SLC26A3: variants seen among roughly 807,000 people sequenced by gnomAD.
SLC26A3 encodes the protein solute carrier family 26 member 3.
Under a neutral mutation model 85.6 loss-of-function variants are expected in SLC26A3, and 64 were observed. The observed-to-expected ratio is 0.75, with a 90% CI of 0.61 to 0.92. The LOEUF (loss-of-function observed/expected upper bound fraction) is 0.92. Among genes scored for constraint, SLC26A3 ranks in the 40% least tolerant of loss-of-function variants. SLC26A3 has a pLI of 0.00. For missense variants in SLC26A3, 922 were observed against 927.3 expected, an observed-to-expected ratio of 0.99 and a Z score of 0.07; for synonymous variants, 349 against 336.0, an observed-to-expected ratio of 1.04 and a Z score of -0.42.
chr7:107,765,544 C>T lies in SLC26A3; in HGVS notation c.*311G>A. On this transcript the variant is annotated 3_prime_UTR_variant, in exon 21 of 21. Transcript: ENST00000340010. ...ATTATGAGATTCAAAACAGTGGCGC[C>T]ACTATACTGCTAAACCTATGCATGA... 1 of 291,576 alleles carries T rather than the reference C, an allele frequency of 3.4e-6. No homozygotes were observed. Among genetic ancestry groups the T allele is most frequent in the Non-Finnish European group, 6.4e-6 (1 of 155,956 alleles). 18.1% of individuals were successfully genotyped at this position (291,576 alleles called of 1,614,324 possible).
In SLC26A3 at chr7:107,774,848, G is replaced by C. The variant is rs143677801; in HGVS notation, c.1702C>G (p.Leu568Val). The change falls in exon 16 of 21, where the codon CTA becomes GTA. Residue 568 changes from leucine (L) to valine (V), a missense_variant. By Grantham distance (32) the Leu-to-Val change is conservative. Transcript: ENST00000340010. Reference protein sequence around the residue: ...DAVGFSPLRILRKRNKALRKI... With the variant: ...DAVGFSPLRIVRKRNKALRKI... Reference sequence around the variant, plus strand: ...CTCAAAGCTTTGTTGCGCTTGCGTAGAATTCGAAGTGGACTAAAGCCAACC... The same window carrying C: ...CTCAAAGCTTTGTTGCGCTTGCGTACAATTCGAAGTGGACTAAAGCCAACC... 9.3e-6 allele frequency: 15 copies of C among 1,614,046 alleles called. No individual in the cohort carries two copies. The African/African-American group carries it at 1.9e-4, about 20-fold the overall frequency.
intron 3 of SLC26A3, among the ~76,000 whole-genome samples, chr7:107,792,413 C>A (rs945770368): frequency 6.6e-6 from 1 of 151,920 alleles, no homozygotes; most frequent in African/African-American, 2.4e-5. Context: ...ATGGTTCCCT[C>A]TGGGGGTGTT....
chr7:107,767,146 C>T (rs1793929540), intron 20 of SLC26A3, among the ~76,000 whole-genome samples: 1 of 152,116 alleles, frequency 6.6e-6, no homozygotes, highest in Non-Finnish European at 1.5e-5. Flanking sequence ...TGTTTCATTG[C>T]TTGACTGGGC....
At chr7:107,790,764 C>T (rs1286360442) in intron 5 of SLC26A3, among the ~76,000 whole-genome samples, 1 of 151,886 alleles carries the variant, frequency 6.6e-6, no homozygotes, top group Non-Finnish European at 1.5e-5. Flanking sequence ...TCTATCAATT[C>T]CCAGATATAT....
At chr7:107,767,979 T>C (rs1793944777) in intron 18 of SLC26A3, 71 bp from the exon 19 acceptor site, 2 of 1,404,468 alleles carry the variant, frequency 1.4e-6, no homozygotes, top group African/African-American at 1.4e-5. Flanking sequence ...TTGAGGCTAG[T>C]AATTTCACCT....
At chr7:107,794,667 C>A (rs759906715) in intron 1 of SLC26A3, 70 bp from the exon 2 acceptor site, 1 of 762,450 alleles carries the variant, frequency 1.3e-6, no homozygotes, top group Non-Finnish European at 2.3e-6. Context: ...GATGAGTGAG[C>A]TCCGAACTGA....
At chr7:107,767,156 CACTGTGCTAGGG>C (rs1351652107) in intron 20 of SLC26A3, among the ~76,000 whole-genome samples, 2 of 152,114 alleles carry the variant, frequency 1.3e-5, no homozygotes, top group Non-Finnish European at 2.9e-5. Flanking sequence ...CTTGACTGGG[CACTGTGCTAGGG>C]ACTTCTCAAG....
intron 3 of SLC26A3, among the ~76,000 whole-genome samples, chr7:107,792,299 C>A (rs150976680): frequency 4.3e-4 from 65 of 152,144 alleles, no homozygotes; most frequent in African/African-American, 1.5e-3. Context: ...TTTTTGTGCA[C>A]TTTATTTCTA....
chr7:107,782,519 G>A (rs1794229255), intron 11 of SLC26A3, among the ~76,000 whole-genome samples: 1 of 152,218 alleles, frequency 6.6e-6, no homozygotes, highest in African/African-American at 2.4e-5. Flanking sequence ...TGTGGTGCCA[G>A]GGTGCCCTCC....
chr7:107,783,134 C>T lies in SLC26A3; in HGVS notation c.1120-41G>A, dbSNP rs772777405. 19 of 1,612,954 alleles carry T rather than the reference C, an allele frequency of 1.2e-5. No individual in the cohort carries two copies. The Admixed American group carries it at 3.2e-4, about 27-fold the overall frequency. ...GAATGAACCTTTTTCAGAAGTGGCA[C>T]CATTGATATTATGTGTGCAAAATAT... is the stretch of plus-strand genomic sequence containing the variant. On this transcript the variant is annotated intron_variant, in intron 9 of 20. Transcript: ENST00000340010.
In SLC26A3 at chr7:107,791,133, T is replaced by G; in HGVS notation, c.485A>C (p.Asn162Thr). Residue 162 changes from asparagine (N) to threonine (T), a missense_variant, in exon 5 of 21, where the codon AAC becomes ACC. Physicochemically the swap from Asn to Thr is moderately conservative, Grantham distance 65 (BLOSUM62 0). Coordinates refer to ENST00000340010, the MANE Select transcript of SLC26A3 (RefSeq NM_000111.3). ...RNATTLGLPN[N>T]SNNSSLLDDE... ...ATCCAGTAGTGAAGAATTATTCGAGTTGTTAGGCAATCCCAAAGTAGTTGC... is the reference window on the plus strand; with the variant it reads ...ATCCAGTAGTGAAGAATTATTCGAGGTGTTAGGCAATCCCAAAGTAGTTGC... The G allele has an allele frequency of 6.2e-7, 1 of 1,614,092 alleles. No homozygotes were observed. The highest frequency in any genetic ancestry group is 8.5e-7 in the Non-Finnish European group (1 of 1,180,024).
chr7:107,792,648 GC>G (rs1794423039), intron 3 of SLC26A3, among the ~76,000 whole-genome samples: 1 of 152,152 alleles, frequency 6.6e-6, no homozygotes, highest in African/African-American at 2.4e-5. Context: ...CTGCTGTGTG[GC>G]CCAGTTCTTA....
chr7:107,777,703 C>T (rs948508625), intron 13 of SLC26A3, among the ~76,000 whole-genome samples: 5 of 152,042 alleles, frequency 3.3e-5, no homozygotes, highest in Admixed American at 2.0e-4. Flanking sequence ...TAAGAGGGGC[C>T]TTTGAGAAGT....
In SLC26A3 at chr7:107,783,239, G is replaced by A. The variant is rs1251250959; in HGVS notation, c.1085C>T (p.Ser362Phe). 2.5e-6 allele frequency: 4 copies of A among 1,614,176 alleles called. No individual in the cohort carries two copies. The highest frequency in any genetic ancestry group is 3.4e-6 in the Non-Finnish European group (4 of 1,180,032). The change falls in exon 9 of 21, where the codon TCC becomes TTC. Residue 362 changes from serine to phenylalanine, a missense_variant. Physicochemically the swap from Ser to Phe is radical, Grantham distance 155 (BLOSUM62 -2). Transcript: ENST00000340010. ...ATCAAGTGGATAATCGTATTTGAGG[G>A]AATAGACGCTGGCAACTGAAAAGGC... ...AVAFSVASVYSLKYDYPLDGN... is the reference protein window; with the variant it reads ...AVAFSVASVYFLKYDYPLDGN...
rs1273894008 is a variant in SLC26A3, at chr7:107,791,890, C to T, written c.322G>A (p.Ala108Thr). 1 of 1,613,808 alleles carries T rather than the reference C, an allele frequency of 6.2e-7. No homozygotes were observed. The highest frequency in any genetic ancestry group is 1.3e-5 in the African/African-American group (1 of 75,030). ...VDIPPVYGLY[A>T]SFFPAIIYLF... ...TAGATTATGGCTGGGAAAAAGGATGCATACAACCCATAGACTGGGGGAATG... is the reference window on the plus strand; with the variant it reads ...TAGATTATGGCTGGGAAAAAGGATGTATACAACCCATAGACTGGGGGAATG... Residue 108 changes from alanine to threonine, a missense_variant, in exon 4 of 21, where the codon GCA (alanine) becomes ACA (threonine). By Grantham distance (58) the Ala-to-Thr change is moderately conservative. Transcript: ENST00000340010.
In SLC26A3 at chr7:107,782,800, T is replaced by C; in HGVS notation, c.1308A>G (p.Gln436=). The change falls in exon 11 of 21, where the codon CAA becomes CAG. Residue 436 remains glutamine (Q), a synonymous_variant. Coordinates refer to ENST00000340010, the MANE Select transcript of SLC26A3 (RefSeq NM_000111.3). Reference sequence around the variant, plus strand: ...TGCTATCCAAAGACAGTGTTACCTTTTGTAGAGGCGCCAGGAGAAATCCAA... The same window carrying C: ...TGCTATCCAAAGACAGTGTTACCTTCTGTAGAGGCGCCAGGAGAAATCCAA... The part of the protein sequence containing the change: ...LAIGFLLAPL[Q]KSVLAALALG... The C allele has an allele frequency of 3.7e-6, 6 of 1,613,878 alleles. No homozygotes were observed. The highest frequency in any genetic ancestry group is 4.2e-6 in the Non-Finnish European group (5 of 1,179,792).
At chr7:107,770,097 A>C (rs1274230118) in intron 18 of SLC26A3, among the ~76,000 whole-genome samples, 3 of 25,914 alleles carry the variant, frequency 1.2e-4, no homozygotes, top group East Asian at 7.8e-4. Context: ...TTTCTTTCTT[A>C]TTTCGTCTTT....
Position 107,794,306 on chromosome 7 carries a change from G to T in SLC26A3, c.131+73C>A, listed in dbSNP as rs1022254837. On this transcript the variant is annotated intron_variant, in intron 2 of 20. Coordinates refer to ENST00000340010, the MANE Select transcript of SLC26A3 (RefSeq NM_000111.3). ...GGACTAGAGCCAGAAAGGAGAGTTG[G>T]AAAGTTAGAAAATTTAGGGGAAAGT... 54 of 1,557,822 alleles carry T rather than the reference G, an allele frequency of 3.5e-5. No individual in the cohort carries two copies. In the Admixed American group the frequency reaches 9.0e-4, roughly 26 times the overall value.
chr7:107,777,473 C>T (rs1794136464), intron 13 of SLC26A3, among the ~76,000 whole-genome samples: 1 of 152,052 alleles, frequency 6.6e-6, no homozygotes, highest in African/African-American at 2.4e-5. Context: ...ACCTATAGTC[C>T]CAGCTACTTG....
Sources: gnomAD v4.1 joint callset for allele counts (sites outside exome capture counted in the v4.1 genomes callset) on GRCh38, gnomAD v4.1.1 for gene constraint, MANE v1.5 for transcripts, NCBI Gene and HGNC (gene_info 2026-07-23, HGNC 2026-07-21) for gene names.